CTNNA2: variants seen among roughly 807,000 people sequenced by gnomAD.
CTNNA2 encodes the protein catenin alpha-2.
CTNNA2 carries 42 observed loss-of-function variants against 101.0 expected under a neutral mutation model. The observed-to-expected ratio is 0.42, with a 90% CI of 0.32 to 0.54. CTNNA2 has a LOEUF of 0.54. CTNNA2 is among the 20% of genes least tolerant of loss of function. The pLI, the probability that CTNNA2 is intolerant of heterozygous loss-of-function variation, is 0.14. For missense variants in CTNNA2, 871 were observed against 1,223.1 expected (o/e 0.71, Z 4.29); for synonymous variants, 450 against 456.4 (o/e 0.99, Z 0.18).
chr2:80,146,716 T>G (rs1386248219), intron 7 of CTNNA2, among the ~76,000 whole-genome samples: 1 of 76,254 alleles, frequency 1.3e-5, no homozygotes, highest in East Asian at 3.0e-4. Context: ...TCTGGTTTTT[T>G]TTTTTTTTTT....
At chr2:79,678,197 C>T (rs888286865) in intron 2 of CTNNA2, among the ~76,000 whole-genome samples, 1 of 152,134 alleles carries the variant, frequency 6.6e-6, no homozygotes, top group African/African-American at 2.4e-5. Flanking sequence ...CTGATCGACT[C>T]CTAATTTTAA....
chr2:80,437,999 A>C (rs139102373), intron 9 of CTNNA2, among the ~76,000 whole-genome samples: 3 of 148,942 alleles, frequency 2.0e-5, no homozygotes, highest in African/African-American at 7.7e-5. Context: ...ACAAGAGCAA[A>C]ACTCTGTCTC....
chr2:80,078,482 A>T (rs563567407), intron 7 of CTNNA2, among the ~76,000 whole-genome samples: 6 of 152,350 alleles, frequency 3.9e-5, no homozygotes, highest in African/African-American at 1.4e-4. Context: ...GACATGGGTC[A>T]TGTGATTAAG....
intron 1 of CTNNA2, among the ~76,000 whole-genome samples, chr2:79,611,945 AC>A (rs1678304085): frequency 6.6e-6 from 1 of 152,100 alleles, no homozygotes; most frequent in Non-Finnish European, 1.5e-5. Flanking sequence ...CTTCTCTGTT[AC>A]CTTTCTCCCA....
rs70940048 is a variant in CTNNA2 at position 79,835,666 on chromosome 2, GTTTTTTTTTTTTTTTTTTTTTT to G, written c.299-22331_299-22310del. Among the ~76,000 whole-genome samples, 61 of 58,616 alleles carry G rather than the reference GTTTTTTTTTTTTTTTTTTTTTT, an allele frequency of 1.0e-3. 1 individual carries two copies. Among genetic ancestry groups the G allele is most frequent in the African/African-American group, 9.5e-4 (13 of 13,684 alleles). The allele number at this position is 58,616 out of a possible 152,430, so 38.5% of individuals were successfully genotyped here. ...CTGTGCTGCAGAATGGCCTCTCTTTGTTTTTTTTTTTTTTTTTTTTTTTTTTTTTTTTTTTTTGAGACAGAGT... is the reference window on the plus strand; with the variant it reads ...CTGTGCTGCAGAATGGCCTCTCTTTGTTTTTTTTTTTTTTTGAGACAGAGT... On this transcript the variant is annotated intron_variant, in intron 3 of 18. Transcript: ENST00000402739.
intron 3 of CTNNA2, among the ~76,000 whole-genome samples, chr2:79,325,319 C>A (rs562025892): frequency 6.6e-6 from 1 of 152,296 alleles, no homozygotes; most frequent in African/African-American, 2.4e-5. Context: ...AATGATTGTT[C>A]AAATTCCGCC....
rs1674031552 is a variant in CTNNA2, at chr2:79,201,251, T to C, written c.-406+3175T>C. Among the ~76,000 whole-genome samples, 3 of 152,116 alleles carry C rather than the reference T, an allele frequency of 2.0e-5. No individual in the cohort carries two copies. The South Asian group carries it at 6.2e-4, about 32-fold the overall frequency. ...AACAAACAAACAACAACAAAAACAG[T>C]TAAGCAAAACAAATGATCACACAAT... On this transcript the variant is annotated intron_variant, in intron 2 of 21. Coordinates refer to the CTNNA2 transcript ENST00000466387.
At chr2:79,843,441 G>C (rs1282770465) in intron 3 of CTNNA2, among the ~76,000 whole-genome samples, 1 of 152,218 alleles carries the variant, frequency 6.6e-6, no homozygotes, top group Non-Finnish European at 1.5e-5. Context: ...GCATGACAGA[G>C]TGGTGGCCTC....
intron 7 of CTNNA2, among the ~76,000 whole-genome samples, chr2:80,338,296 C>CTTTTTTTT (rs201060579): frequency 1.6e-5 from 2 of 125,630 alleles, no homozygotes; most frequent in African/African-American, 3.6e-5. Flanking sequence ...GCCTTTTTTT[C>CTTTTTTTT]TTTTTCTTTT....
chr2:80,075,596 A>G (rs191346585), intron 7 of CTNNA2, among the ~76,000 whole-genome samples: 1,797 of 87,238 alleles, frequency 0.021, 146 homozygotes, highest in African/African-American at 0.07. Flanking sequence ...ATGTATAAAT[A>G]TAAATATTTA....
intron 2 of CTNNA2, among the ~76,000 whole-genome samples, chr2:79,654,006 C>T (rs1239893254): frequency 1.2e-4 from 18 of 152,232 alleles, no homozygotes; most frequent in Admixed American, 1.0e-3. Flanking sequence ...TTTCTACCAA[C>T]GTCTATTTAT....
intron 7 of CTNNA2, among the ~76,000 whole-genome samples, chr2:80,175,813 G>A (rs574945033): frequency 6.5e-4 from 99 of 152,264 alleles, no homozygotes; most frequent in Non-Finnish European, 1.2e-3. Flanking sequence ...CAAGAGCCTC[G>A]GCAAGCCACT....
intron 7 of CTNNA2, among the ~76,000 whole-genome samples, chr2:80,069,831 T>C (rs1698215228): frequency 1.3e-5 from 2 of 152,210 alleles, no homozygotes; most frequent in African/African-American, 4.8e-5. Flanking sequence ...TGCATTCTGT[T>C]CCCTTTGCCT....
chr2:79,240,050 A>G (rs936971178), intron 2 of CTNNA2, among the ~76,000 whole-genome samples: 5 of 151,076 alleles, frequency 3.3e-5, no homozygotes, highest in African/African-American at 1.2e-4. Context: ...CTGGGATTAC[A>G]GGCATGTGCC....
rs58379590 is a variant in CTNNA2, at chr2:79,561,263, C to T, written c.-6+48056C>T. ...TGTAGCATTTATAAATATTTCATTTCGTTTTATGGCTGAATAATATGCTAT... is the reference window on the plus strand; with the variant it reads ...TGTAGCATTTATAAATATTTCATTTTGTTTTATGGCTGAATAATATGCTAT... On this transcript the variant is annotated intron_variant, in intron 1 of 18. Coordinates refer to ENST00000402739, the MANE Select transcript of CTNNA2 (RefSeq NM_001282597.3). 8.3e-3 allele frequency among the ~76,000 whole-genome samples: 1,263 copies of T among 151,896 alleles called. 16 individuals carry two copies. Among genetic ancestry groups the T allele is most frequent in the African/African-American group, 0.028 (1,163 of 41,482 alleles).
At chr2:80,130,697 T>C (rs1702364728) in intron 7 of CTNNA2, among the ~76,000 whole-genome samples, 1 of 152,014 alleles carries the variant, frequency 6.6e-6, no homozygotes, top group Non-Finnish European at 1.5e-5. Flanking sequence ...TCAAAACAGG[T>C]ATATAAGTAA....
At chr2:80,525,343 C>G (rs773283418) in intron 9 of CTNNA2, among the ~76,000 whole-genome samples, 1 of 151,976 alleles carries the variant, frequency 6.6e-6, no homozygotes, top group Non-Finnish European at 1.5e-5. Context: ...GGGCAGGTCC[C>G]GGAAGTCTTT....
chr2:80,191,058 T>G (rs1390785786), intron 7 of CTNNA2, among the ~76,000 whole-genome samples: 3 of 152,206 alleles, frequency 2.0e-5, no homozygotes, highest in African/African-American at 7.2e-5. Context: ...ACTTCCTCAG[T>G]GAAATGTTCT....
intron 12 of CTNNA2, among the ~76,000 whole-genome samples, chr2:80,563,513 G>A (rs1233356149): frequency 6.6e-6 from 1 of 152,174 alleles, no homozygotes; most frequent in Non-Finnish European, 1.5e-5. Flanking sequence ...TATATGGCCA[G>A]AGTAGTCTCC....
Sources: allele counts gnomAD v4.1 joint callset (sites outside exome capture counted in the v4.1 genomes callset), GRCh38; gene constraint gnomAD v4.1.1; transcripts MANE v1.5; gene names NCBI Gene and HGNC (gene_info 2026-07-23, HGNC 2026-07-21).